Variants in PTER observed in about 807,000 individuals in gnomAD.
PTER encodes N-acetyltaurine hydrolase.
In PTER, 38 loss-of-function variants were observed where a neutral mutation model predicts 29.6. The observed-to-expected ratio is 1.28, with a 90% CI of 0.99 to 1.68. PTER has a LOEUF of 1.68. PTER is among the 40% of genes most tolerant of loss of function. PTER has a pLI of 0.00. For synonymous variants in PTER, 172 were observed against 154.5 expected, an observed-to-expected ratio of 1.11 and a Z score of -0.84; for missense variants, 482 against 427.8, an observed-to-expected ratio of 1.13 and a Z score of -1.12.
intron 1 of PTER, among the ~76,000 whole-genome samples, chr10:16,467,918 G>C (rs10904744): frequency 0.61 from 92,481 of 152,118 alleles, 28,945 homozygotes; most frequent in East Asian, 0.8. Flanking sequence ...CAAACACTTT[G>C]GGAAAAACAT....
intron 1 of PTER, among the ~76,000 whole-genome samples, chr10:16,459,072 T>C (rs1834512351): frequency 6.6e-6 from 1 of 152,204 alleles, no homozygotes; most frequent in African/African-American, 2.4e-5. Context: ...TATATTAGCA[T>C]CTCTGGGTAT....
intron 1 of PTER, among the ~76,000 whole-genome samples, chr10:16,471,244 A>G (rs947622373): frequency 1.3e-5 from 2 of 152,226 alleles, no homozygotes; most frequent in African/African-American, 2.4e-5. Context: ...TTGTGATAAT[A>G]AAGAATTTGA....
At chr10:16,473,690 A>G (rs7097849) in intron 1 of PTER, among the ~76,000 whole-genome samples, 25,696 of 152,046 alleles carry the variant, frequency 0.17, 4,119 homozygotes, top group African/African-American at 0.42. Flanking sequence ...AGAGATTGCA[A>G]ACTAAAACTG....
intron 1 of PTER, among the ~76,000 whole-genome samples, chr10:16,477,028 C>G (rs1015606792): frequency 2.6e-5 from 4 of 151,642 alleles, no homozygotes; most frequent in African/African-American, 9.7e-5. Flanking sequence ...ACCTCAGCCT[C>G]TCAAGTAGCT....
At position 16,493,576 on chromosome 10, in the gene PTER, T is replaced by A. The variant is rs566420766; in HGVS notation, c.698+6959T>A. On this transcript the variant is annotated intron_variant, in intron 3 of 4. Coordinates refer to ENST00000535784, the MANE Select transcript of PTER (RefSeq NM_001261836.2). ...TGAGCCACTGAGCCGGCCAGAAAAA[T>A]TATTTTTAACCCTAAAGTGTTATGC... Among the ~76,000 whole-genome samples, 17 of 152,112 alleles carry A rather than the reference T, an allele frequency of 1.1e-4. No individual in the cohort carries two copies. The South Asian group carries it at 3.1e-3, about 28-fold the overall frequency.
intron 1 of PTER, among the ~76,000 whole-genome samples, chr10:16,471,412 T>C (rs1441315020): frequency 2.0e-5 from 3 of 152,156 alleles, no homozygotes; most frequent in African/African-American, 7.2e-5. Flanking sequence ...CTTTTACTGA[T>C]TATAAATGTT....
intron 1 of PTER, among the ~76,000 whole-genome samples, chr10:16,472,556 G>A (rs1835093561): frequency 6.6e-6 from 1 of 152,128 alleles, no homozygotes; most frequent in Non-Finnish European, 1.5e-5. Flanking sequence ...ATGATTGAGA[G>A]TCCTCCCCAG....
chr10:16,467,026 A>G (rs937273436), intron 1 of PTER, among the ~76,000 whole-genome samples: 19 of 152,212 alleles, frequency 1.2e-4, no homozygotes, highest in Non-Finnish European at 2.8e-4. Context: ...CAGATAGGAA[A>G]TGTCTTTGGA....
intron 1 of PTER, among the ~76,000 whole-genome samples, chr10:16,450,557 A>G (rs532990402): frequency 1.3e-5 from 2 of 152,240 alleles, no homozygotes; most frequent in East Asian, 1.9e-4. Flanking sequence ...TTGACAGGAG[A>G]CATCTGATGA....
chr10:16,502,863 C>A (rs1588629892), intron 3 of PTER, among the ~76,000 whole-genome samples: 1 of 151,582 alleles, frequency 6.6e-6, no homozygotes, highest in South Asian at 2.1e-4. Context: ...GTGGCACACA[C>A]CTGTAGTCCC....
At chr10:16,455,103 CCT>C (rs1249688676) in intron 1 of PTER, among the ~76,000 whole-genome samples, 1 of 151,930 alleles carries the variant, frequency 6.6e-6, no homozygotes, top group East Asian at 1.9e-4. Context: ...GTGGTATACA[CCT>C]GTAGTCCCAG....
intron 1 of PTER, among the ~76,000 whole-genome samples, chr10:16,465,057 T>G (rs1834758393): frequency 6.6e-6 from 1 of 152,122 alleles, no homozygotes; most frequent in Admixed American, 6.6e-5. Context: ...CCCCCATGAT[T>G]CAAATACCTC....
At chr10:16,465,515 G>C (rs1461197776) in intron 1 of PTER, among the ~76,000 whole-genome samples, 1 of 152,114 alleles carries the variant, frequency 6.6e-6, no homozygotes, top group Non-Finnish European at 1.5e-5. Context: ...AATATTTCAG[G>C]AAGCATAAAG....
Position 16,484,388 on chromosome 10 carries a change from TCTTC to T in PTER, c.8_11del (p.Ser3Ter), listed in dbSNP as rs1835598941. 1.3e-6 allele frequency: 2 copies of T among 1,575,502 alleles called. No homozygotes were observed. The highest frequency in any genetic ancestry group is 1.7e-6 in the Non-Finnish European group (2 of 1,166,670). ...TCTCTTGGTGGTACCATCAGAAATG[TCTTC>T]CTTAAGTGGAAAAGTCCAAACCGTT... On this transcript the variant is annotated frameshift_variant, in exon 2 of 5. Coordinates refer to ENST00000535784, the MANE Select transcript of PTER (RefSeq NM_001261836.2). LOFTEE classifies it high-confidence loss of function.
At chr10:16,441,566 C>T (rs1165612264) in intron 1 of PTER, among the ~76,000 whole-genome samples, 2 of 152,154 alleles carry the variant, frequency 1.3e-5, no homozygotes, top group Admixed American at 1.3e-4. Context: ...AGCTGTGCTG[C>T]ATTCTTAGGG....
downstream of PTER, among the ~76,000 whole-genome samples, chr10:16,516,426 T>C (rs692738): frequency 6.6e-6 from 1 of 152,188 alleles, no homozygotes; most frequent in Non-Finnish European, 1.5e-5. Flanking sequence ...TATTATGACT[T>C]GTGTTTTTTT....
At chr10:16,486,807 TC>T (rs1564402134) in intron 3 of PTER, 190 bp downstream of exon 3, 3 of 631,310 alleles carry the variant, frequency 4.8e-6, no homozygotes, top group Non-Finnish European at 8.0e-6. Context: ...TTTGTGTCCC[TC>T]CTCTGTGTCA....
At chr10:16,438,938 A>AAG (rs1554784958) in intron 1 of PTER, among the ~76,000 whole-genome samples, 2,221 of 149,458 alleles carry the variant, frequency 0.015, 66 homozygotes, top group African/African-American at 0.052. Context: ...AAAAAAAAAA[A>AAG]GGTAAGTGGT....
intron 3 of PTER, among the ~76,000 whole-genome samples, chr10:16,496,521 A>G (rs1478482784): frequency 6.6e-6 from 1 of 152,188 alleles, no homozygotes; most frequent in Non-Finnish European, 1.5e-5. Flanking sequence ...TATTTAGCAG[A>G]ATCTTTCTTC....
Sources: allele counts gnomAD v4.1 joint callset (sites outside exome capture counted in the v4.1 genomes callset), GRCh38; gene constraint gnomAD v4.1.1; transcripts MANE v1.5; gene names NCBI Gene and HGNC (gene_info 2026-07-23, HGNC 2026-07-21).